The following DUOXA1 variants were observed in gnomAD, a reference collection of about 807,000 sequenced individuals.
DUOXA1 encodes dual oxidase activator 1.
DUOXA1 carries 19 observed loss-of-function variants against 26.6 expected under a neutral mutation model. That is an observed-to-expected ratio of 0.71 (90% CI 0.50 to 1.05). DUOXA1 has a LOEUF of 1.05. Among genes scored for constraint, DUOXA1 ranks in the 50% least tolerant of loss-of-function variants. The probability of loss-of-function intolerance (pLI) is 0.00; values close to 1 mark genes in which losing one functional copy is unlikely to be tolerated. For synonymous variants in DUOXA1, 166 were observed against 177.0 expected, an observed-to-expected ratio of 0.94 and a Z score of 0.49; for missense variants, 403 against 427.5, an observed-to-expected ratio of 0.94 and a Z score of 0.51.
In DUOXA1 at chr15:45,121,131, A is replaced by C; in HGVS notation, c.296T>G (p.Ile99Ser). 6.2e-7 allele frequency: 1 copy of C among 1,614,108 alleles called. No individual in the cohort carries two copies. The highest frequency in any genetic ancestry group is 8.5e-7 in the Non-Finnish European group (1 of 1,180,010). ...TCCACCCAGCCCGACCTGCAGCCCA[A>C]TATCAGCGCTGATCCACTCAGAACT... ...AFSSEWISAD[I>S]GLQVGLGGVN... Residue 99 changes from isoleucine (I) to serine (S), a missense_variant, in exon 6 of 9, where the codon ATT (isoleucine) becomes AGT (serine). Ile to Ser is a moderately radical substitution (Grantham distance 142). Transcript: ENST00000560572.
At chr15:45,123,572 A>T (rs1895427152) in intron 3 of DUOXA1, among the ~76,000 whole-genome samples, 1 of 152,176 alleles carries the variant, frequency 6.6e-6, no homozygotes. Flanking sequence ...TGAATTCCAG[A>T]CCTAGCACTG....
Position 45,117,517 on chromosome 15 carries a change from A to G in DUOXA1, c.*1589T>C. 6.4e-7 allele frequency: 1 copy of G among 1,555,086 alleles called. No homozygotes were observed. Among genetic ancestry groups the G allele is most frequent in the Non-Finnish European group, 8.7e-7 (1 of 1,148,494 alleles). On this transcript the variant is annotated 3_prime_UTR_variant, in exon 9 of 9. Transcript: ENST00000560572. ...TGTCTTGCCGTGTTTCATGTAATTCAGATTAGAGGTGTGTGGCGGGAGGTA... is the reference window on the plus strand; with the variant it reads ...TGTCTTGCCGTGTTTCATGTAATTCGGATTAGAGGTGTGTGGCGGGAGGTA...
Position 45,118,140 on chromosome 15 carries a change from C to A in DUOXA1, c.*966G>T. 9 of 1,439,562 alleles carry A rather than the reference C, an allele frequency of 6.3e-6. No homozygotes were observed. Among genetic ancestry groups the A allele is most frequent in the Non-Finnish European group, 7.3e-6 (8 of 1,101,634 alleles). 89.2% of individuals were successfully genotyped at this position (1,439,562 alleles called of 1,614,324 possible). On this transcript the variant is annotated 3_prime_UTR_variant, in exon 9 of 9. Coordinates refer to ENST00000560572, the MANE Select transcript of DUOXA1 (RefSeq NM_001276266.2). ...CCCATTAATTTTCATGGCTTCTCCG[C>A]GCCGGGGTCGCACGTCCTCATGAGC...
In DUOXA1 at chr15:45,118,547, T is replaced by A. The variant is rs1006548687; in HGVS notation, c.*559A>T. The A allele has an allele frequency of 4.0e-6, 4 of 992,280 alleles. No homozygotes were observed. Among genetic ancestry groups the A allele is most frequent in the African/African-American group, 3.5e-5 (2 of 57,532 alleles). 61.5% of individuals were successfully genotyped at this position (992,280 alleles called of 1,614,324 possible). On this transcript the variant is annotated 3_prime_UTR_variant, in exon 9 of 9. Coordinates refer to ENST00000560572, the MANE Select transcript of DUOXA1 (RefSeq NM_001276266.2). ...AATCTTATGTAGCAAATTTGGGAACTGAAGCTCAAAGAGAATGTGGCATAG... is the reference window on the plus strand; with the variant it reads ...AATCTTATGTAGCAAATTTGGGAACAGAAGCTCAAAGAGAATGTGGCATAG...
chr15:45,120,955 C>G, intron 6 of DUOXA1, 132 bp downstream of exon 6: 1 of 1,518,414 alleles, frequency 6.6e-7, no homozygotes, highest in Non-Finnish European at 8.9e-7. Flanking sequence ...TCCTACCATG[C>G]CTCTGACCTC....
intron 8 of DUOXA1, among the ~76,000 whole-genome samples, 159 bp from the exon 9 acceptor site, chr15:45,119,524 G>T (rs1402545193): frequency 6.6e-6 from 1 of 152,120 alleles, no homozygotes. Flanking sequence ...GCATGTGGCT[G>T]GTGTGGCTCT....
intron 3 of DUOXA1, chr15:45,128,795 T>G (rs1336335325): frequency 6.6e-6 from 1 of 152,196 alleles, no homozygotes; most frequent in Non-Finnish European, 1.5e-5. Context: ...CTTGTGGCAT[T>G]TATGGCCTTA....
In DUOXA1 at chr15:45,120,537, C is replaced by G. The variant is rs957831683; in HGVS notation, c.554+55G>C. On this transcript the variant is annotated intron_variant, in intron 7 of 8. Coordinates refer to ENST00000560572, the MANE Select transcript of DUOXA1 (RefSeq NM_001276266.2). ...AGTGGAGGAGAGATGGGTAGAAACCCTGTTCCTGAATCTAGGCTACCAGGG... is the reference window on the plus strand; with the variant it reads ...AGTGGAGGAGAGATGGGTAGAAACCGTGTTCCTGAATCTAGGCTACCAGGG... 6.0e-5 allele frequency: 95 copies of G among 1,590,058 alleles called. 1 individual carries two copies. The Middle Eastern group carries it at 1.0e-3, about 17-fold the overall frequency.
At position 45,119,296 on chromosome 15, in the gene DUOXA1, G is replaced by T; in HGVS notation, c.842C>A (p.Ala281Asp). ...TTCATCCACACTCTGGTTGAAGAAAGCCTTCAGCCTGTGAGGCTGCATCCT... is the reference window on the plus strand; with the variant it reads ...TTCATCCACACTCTGGTTGAAGAAATCCTTCAGCCTGTGAGGCTGCATCCT... Reference protein sequence around the residue: ...AHRMQPHRLKAFFNQSVDEDP... With the variant: ...AHRMQPHRLKDFFNQSVDEDP... The change falls in exon 9 of 9, where the codon GCT becomes GAT. Residue 281 changes from alanine to aspartate, a missense_variant. Ala to Asp is a moderately radical substitution (Grantham distance 126). Coordinates refer to ENST00000560572, the MANE Select transcript of DUOXA1 (RefSeq NM_001276266.2). The T allele has an allele frequency of 6.2e-7, 1 of 1,614,092 alleles. No individual in the cohort carries two copies. The highest frequency in any genetic ancestry group is 8.5e-7 in the Non-Finnish European group (1 of 1,180,012).
intron 3 of DUOXA1, among the ~76,000 whole-genome samples, chr15:45,127,313 A>G (rs1221610115): frequency 6.6e-6 from 1 of 152,238 alleles, no homozygotes; most frequent in Non-Finnish European, 1.5e-5. Context: ...CATTTATTTT[A>G]AAGGGAGGTT....
rs1350955336 is a variant in DUOXA1, at chr15:45,121,145, C to A, written c.282G>T (p.Trp94Cys). Residue 94 changes from tryptophan (W) to cysteine (C), a missense_variant, in exon 6 of 9, where the codon TGG (tryptophan) becomes TGT (cysteine). Coordinates refer to ENST00000560572, the MANE Select transcript of DUOXA1 (RefSeq NM_001276266.2). ...CCTGCAGCCCAATATCAGCGCTGAT[C>A]CACTCAGAACTGAAGGCCTTGTATG... is the stretch of plus-strand genomic sequence containing the variant. ...NTSYKAFSSE[W>C]ISADIGLQVG... 2 of 1,614,050 alleles carry A rather than the reference C, an allele frequency of 1.2e-6. No individual in the cohort carries two copies. The highest frequency in any genetic ancestry group is 1.3e-5 in the African/African-American group (1 of 74,912).
Position 45,117,869 on chromosome 15 carries a change from C to A in DUOXA1, c.*1237G>T. On this transcript the variant is annotated 3_prime_UTR_variant, in exon 9 of 9. Coordinates refer to ENST00000560572, the MANE Select transcript of DUOXA1 (RefSeq NM_001276266.2). ...CTCGGCGACCCACTGCACAAGCAGG[C>A]CGCTCTCCCAGACTTAAAATGTATC... 1 of 1,613,634 alleles carries A rather than the reference C, an allele frequency of 6.2e-7. No individual in the cohort carries two copies. The highest frequency in any genetic ancestry group is 1.1e-5 in the South Asian group (1 of 91,092).
intron 3 of DUOXA1, 72 bp downstream of exon 3, chr15:45,128,946 A>C (rs1895924037): frequency 1.3e-5 from 2 of 152,136 alleles, no homozygotes; most frequent in Non-Finnish European, 2.9e-5. Context: ...GACCCCCTCC[A>C]AAATCACCTG....
At position 45,122,858 on chromosome 15, in the gene DUOXA1, G is replaced by A. The variant is rs751634904; in HGVS notation, c.147+10C>T. On this transcript the variant is annotated intron_variant, in intron 4 of 8. Transcript: ENST00000560572. ...CTCTGGGCTGGGGTCTCCAGGACTG[G>A]GTTTCTCACCGTCTTTCCCCGAATG... The A allele has an allele frequency of 3.1e-6, 5 of 1,604,120 alleles. No homozygotes were observed. In the African/African-American group the frequency reaches 5.4e-5, roughly 17 times the overall value.
At chr15:45,120,052 C>G (rs764615428) in intron 8 of DUOXA1, 51 bp downstream of exon 8, 16 of 1,603,594 alleles carry the variant, frequency 1.0e-5, no homozygotes, top group Admixed American at 1.7e-5. Flanking sequence ...CCCAGGCCCT[C>G]CCTCCCTGGC....
In DUOXA1 at chr15:45,120,774, G is replaced by A. The variant is rs763828620; in HGVS notation, c.372C>T (p.Ile124=). Residue 124 remains isoleucine, a synonymous_variant, in exon 7 of 9, where the codon ATC becomes ATT. Coordinates refer to ENST00000560572, the MANE Select transcript of DUOXA1 (RefSeq NM_001276266.2). ...GTPVQQLNET[I]NYNEEFTWRL... Reference sequence around the variant, plus strand: ...GCCAGGTGAACTCCTCGTTGTAATTGATGGTCTCATTCAGCTGCTGCACGG... The same window carrying A: ...GCCAGGTGAACTCCTCGTTGTAATTAATGGTCTCATTCAGCTGCTGCACGG... The A allele has an allele frequency of 9.3e-6, 15 of 1,614,100 alleles. No individual in the cohort carries two copies. The highest frequency in any genetic ancestry group is 1.1e-5 in the Non-Finnish European group (13 of 1,180,004).
intron 5 of DUOXA1, among the ~76,000 whole-genome samples, 170 bp downstream of exon 5, chr15:45,122,015 G>T (rs1229734916): frequency 1.3e-5 from 2 of 152,224 alleles, no homozygotes; most frequent in African/African-American, 4.8e-5. Context: ...CCAGGCAAGG[G>T]TAAGAGTGGG....
At chr15:45,121,245 T>C (rs748007777) in intron 5 of DUOXA1, 24 bp from the exon 6 acceptor site, 1 of 1,614,030 alleles carries the variant, frequency 6.2e-7, no homozygotes, top group East Asian at 2.2e-5. Flanking sequence ...GTTGGACATA[T>C]GGGAACTCAG....
intron 6 of DUOXA1, 111 bp from the exon 7 acceptor site, chr15:45,120,916 A>G: frequency 6.7e-7 from 1 of 1,491,822 alleles, no homozygotes; most frequent in Non-Finnish European, 9.2e-7. Flanking sequence ...AACTGAGAGA[A>G]GGTAGCTTCC....
Sources: gnomAD v4.1 joint callset for allele counts (sites outside exome capture counted in the v4.1 genomes callset) on GRCh38, gnomAD v4.1.1 for gene constraint, MANE v1.5 for transcripts, NCBI Gene and HGNC (gene_info 2026-07-23, HGNC 2026-07-21) for gene names.